The following NAV2 variants were observed in gnomAD, a reference collection of about 807,000 sequenced individuals.
NAV2 encodes the protein helicase, APC down-regulated 1.
A neutral mutation model predicts 223.2 loss-of-function variants in NAV2; 54 were observed. The observed-to-expected ratio is 0.24, with a 90% confidence interval of 0.19 to 0.30. The LOEUF (loss-of-function observed/expected upper bound fraction) is 0.30, where lower values mean the gene tolerates loss of function less well. Ranked by LOEUF, NAV2 falls within the 10% of genes least tolerant of loss-of-function variation. The pLI, the probability that NAV2 is intolerant of heterozygous loss-of-function variation, is 1.00. For missense variants in NAV2, 2,806 were observed against 3,147.5 expected (o/e 0.89, Z 2.60); for synonymous variants, 1,279 against 1,239.3 (o/e 1.03, Z -0.67).
chr11:20,035,178 C>T (rs146447204), intron 11 of NAV2, among the ~76,000 whole-genome samples: 18 of 151,840 alleles, frequency 1.2e-4, no homozygotes, highest in Admixed American at 5.2e-4. Context: ...CAGCATTGAC[C>T]GCACCATGAA....
chr11:20,023,075 C>T (rs956311655), intron 11 of NAV2: 6 of 1,551,656 alleles, frequency 3.9e-6, no homozygotes, highest in Non-Finnish European at 5.2e-6. Context: ...GCTTCTTTGT[C>T]CGCTGTTCTC....
At chr11:19,974,502 T>C (rs2049533167) in intron 10 of NAV2, among the ~76,000 whole-genome samples, 1 of 152,222 alleles carries the variant, frequency 6.6e-6, no homozygotes, top group African/African-American at 2.4e-5. Context: ...ATATTAATAA[T>C]AGCCCAGGAG....
intron 1 of NAV2, among the ~76,000 whole-genome samples, chr11:19,819,356 A>C (rs11025271): frequency 3.9e-5 from 6 of 151,958 alleles, no homozygotes; most frequent in Admixed American, 3.3e-4. Flanking sequence ...GGCATTTCCT[A>C]GGTGGTGGGG....
intron 6 of NAV2, among the ~76,000 whole-genome samples, chr11:19,926,356 C>T (rs140952326): frequency 6.6e-5 from 10 of 152,276 alleles, no homozygotes; most frequent in East Asian, 1.9e-4. Flanking sequence ...CCTCGTGCCC[C>T]GCTTACCTTC....
chr11:19,391,542 G>A (rs1849248751), intron 1 of NAV2, among the ~76,000 whole-genome samples: 1 of 152,216 alleles, frequency 6.6e-6, no homozygotes, highest in South Asian at 2.1e-4. Flanking sequence ...GGATGTTGAA[G>A]TGGGCAAGAC....
chr11:19,577,856 T>C (rs1565043), intron 1 of NAV2, among the ~76,000 whole-genome samples: 151,843 of 152,300 alleles, frequency 1, 75,695 homozygotes, highest in Middle Eastern at 1. Flanking sequence ...CATTTCAATT[T>C]GTTAAAACCA....
intron 1 of NAV2, among the ~76,000 whole-genome samples, chr11:19,533,224 C>T (rs546066771): frequency 3.9e-5 from 6 of 152,148 alleles, no homozygotes; most frequent in African/African-American, 1.4e-4. Flanking sequence ...GCACAATTGA[C>T]GTTTGGAGCT....
chr11:19,494,538 A>G (rs991393825), intron 1 of NAV2, among the ~76,000 whole-genome samples: 20 of 152,200 alleles, frequency 1.3e-4, no homozygotes, highest in African/African-American at 4.6e-4. Context: ...CACACATATC[A>G]TTGTAGCTGA....
upstream of NAV2, among the ~76,000 whole-genome samples, chr11:19,710,130 A>G (rs79587295): frequency 3.2e-3 from 491 of 152,336 alleles, 13 homozygotes; most frequent in East Asian, 0.056. Flanking sequence ...TGGCAAATAC[A>G]TAATATGTAT....
chr11:19,611,421 C>A (rs1030399636), intron 1 of NAV2, among the ~76,000 whole-genome samples: 9 of 152,198 alleles, frequency 5.9e-5, no homozygotes, highest in African/African-American at 2.2e-4. Context: ...ACCCAACAGT[C>A]CACAATCCAA....
chr11:19,483,326 T>C (rs1248070124), intron 1 of NAV2, among the ~76,000 whole-genome samples: 1 of 152,234 alleles, frequency 6.6e-6, no homozygotes, highest in Non-Finnish European at 1.5e-5. Flanking sequence ...TTTCCCAGTG[T>C]ATTTTTTCTG....
chr11:20,044,445 G>A (rs2057243826), intron 13 of NAV2, 173 bp downstream of exon 13: 1 of 663,842 alleles, frequency 1.5e-6, no homozygotes, highest in Admixed American at 3.0e-5. Context: ...AAATAAGTAA[G>A]CATGGGAGCC....
chr11:19,370,916 G>A (rs912133645), intron 1 of NAV2, among the ~76,000 whole-genome samples: 2 of 152,164 alleles, frequency 1.3e-5, no homozygotes, highest in African/African-American at 2.4e-5. Flanking sequence ...GGAAGAGGGC[G>A]TTTTCTTGAT....
At chr11:19,785,647 C>CT (rs3214722) in intron 1 of NAV2, among the ~76,000 whole-genome samples, 83 of 141,848 alleles carry the variant, frequency 5.9e-4, no homozygotes, top group East Asian at 2.4e-3. Flanking sequence ...CGTCAGCTGG[C>CT]TTTTTTTTTT....
chr11:19,541,046 C>A (rs536027395), intron 1 of NAV2, among the ~76,000 whole-genome samples: 32 of 152,298 alleles, frequency 2.1e-4, no homozygotes, highest in Non-Finnish European at 4.3e-4. Context: ...TGGTACTTCT[C>A]AAGTATTTGT....
intron 1 of NAV2, among the ~76,000 whole-genome samples, chr11:19,529,320 C>T (rs1051455180): frequency 2.0e-4 from 31 of 152,184 alleles, no homozygotes; most frequent in African/African-American, 7.0e-4. Context: ...TAACATTTAA[C>T]ACATACGCAT....
At chr11:19,816,256 G>A (rs1314702302) in intron 1 of NAV2, among the ~76,000 whole-genome samples, 3 of 152,188 alleles carry the variant, frequency 2.0e-5, no homozygotes, top group African/African-American at 2.4e-5. Context: ...GCAGGCAAGC[G>A]CATTCCTAGG....
At chr11:19,352,283 T>C (rs1853372664) in intron 1 of NAV2, among the ~76,000 whole-genome samples, 1 of 152,208 alleles carries the variant, frequency 6.6e-6, no homozygotes, top group Non-Finnish European at 1.5e-5. Context: ...TCAATAATAG[T>C]TGTGAACAGA....
chr11:19,625,343 C>G (rs1314936918), intron 1 of NAV2, among the ~76,000 whole-genome samples: 2 of 152,206 alleles, frequency 1.3e-5, no homozygotes, highest in Non-Finnish European at 2.9e-5. Context: ...ACTTGACATA[C>G]TGTCCTCCAG....
Sources: gnomAD v4.1 joint callset for allele counts (sites outside exome capture counted in the v4.1 genomes callset) on GRCh38, gnomAD v4.1.1 for gene constraint, MANE v1.5 for transcripts, NCBI Gene and HGNC (gene_info 2026-07-23, HGNC 2026-07-21) for gene names.